The following SLC44A2 variants were observed in gnomAD, a reference collection of about 807,000 sequenced individuals.
The protein encoded by SLC44A2 is choline transporter-like protein 2.
A neutral mutation model predicts 90.8 loss-of-function variants in SLC44A2; 57 were observed. The observed-to-expected ratio is 0.63, with a 90% confidence interval of 0.51 to 0.78. The LOEUF is 0.78. Ranked by LOEUF, SLC44A2 falls within the 30% of genes least tolerant of loss-of-function variation. SLC44A2 has a pLI of 0.00. For missense variants in SLC44A2, 794 were observed against 919.7 expected (o/e 0.86, Z 1.77); for synonymous variants, 355 against 360.7 (o/e 0.98, Z 0.18).
intron 1 of SLC44A2, among the ~76,000 whole-genome samples, chr19:10,616,142 GA>G (rs556628556): frequency 0.12 from 11,854 of 98,714 alleles, 476 homozygotes; most frequent in Non-Finnish European, 0.14. Context: ...TGTCTCCAAA[GA>G]AAAAAAAAAA....
Position 10,643,705 on chromosome 19 carries a change from C to T in SLC44A2, c.*320C>T, listed in dbSNP as rs757627595. 1.1e-4 allele frequency: 27 copies of T among 249,684 alleles called. No individual in the cohort carries two copies. The highest frequency in any genetic ancestry group is 5.5e-4 in the African/African-American group (24 of 44,012). The allele number at this position is 249,684 out of a possible 1,614,324, so 15.5% of individuals were successfully genotyped here. A position where few individuals can be genotyped will look rare whatever the true frequency, so the allele number is the denominator to read the frequency against. ...TCATGCTTCCTGTCCCCCGCTTACA[C>T]GACAACGGGCCAGACCACAGGAAGG... On this transcript the variant is annotated 3_prime_UTR_variant, in exon 22 of 22. Coordinates refer to ENST00000335757, the MANE Select transcript of SLC44A2 (RefSeq NM_020428.4).
In SLC44A2 at chr19:10,642,418, G is replaced by A. The variant is rs577834746; in HGVS notation, c.1981G>A (p.Gly661Ser). The change falls in exon 21 of 22, where the codon GGC (glycine) becomes AGC (serine). Residue 661 changes from glycine (G) to serine (S), a missense_variant. Physicochemically the swap from Gly to Ser is moderately conservative, Grantham distance 56. Transcript: ENST00000335757. ...TGCACACGGTTTCTTCAGCGTCTAT[G>A]GCATGTGTGTGGACACGCTGTTCCT... ...LIAHGFFSVY[G>S]MCVDTLFLCF... is the part of the protein sequence containing the mutation. 2 of 1,614,140 alleles carry A rather than the reference G, an allele frequency of 1.2e-6. No individual in the cohort carries two copies. Among genetic ancestry groups the A allele is most frequent in the East Asian group, 2.2e-5 (1 of 44,878 alleles).
At position 10,638,093 on chromosome 19, in the gene SLC44A2, G is replaced by A. The variant is rs761629968; in HGVS notation, c.1840G>A (p.Gly614Arg). 1 of 1,613,394 alleles carries A rather than the reference G, an allele frequency of 6.2e-7. No individual in the cohort carries two copies. Among genetic ancestry groups the A allele is most frequent in the Non-Finnish European group, 8.5e-7 (1 of 1,179,892 alleles). The part of the protein sequence containing the change: ...LGKLLIVGSV[G>R]ILAFFFFTHR... Reference sequence around the variant, plus strand: ...CAAACTTCTGATCGTTGGTAGTGTGGGTGAGTGCCGCCCACCTAGCCTCTC... The same window carrying A: ...CAAACTTCTGATCGTTGGTAGTGTGAGTGAGTGCCGCCCACCTAGCCTCTC... The change falls in exon 19 of 22, where the codon GGG becomes AGG. Residue 614 changes from glycine (G) to arginine (R), a missense_variant and splice_region_variant. Transcript: ENST00000335757.
At chr19:10,625,510 G>C (rs949319413), upstream of SLC44A2, 1 of 1,223,894 alleles carries the variant, frequency 8.2e-7, no homozygotes, top group Non-Finnish European at 1.0e-6. Flanking sequence ...GGGCCGCCCC[G>C]CCTGGCGCTG....
At chr19:10,609,744 T>C (rs1439064804) in intron 1 of SLC44A2, among the ~76,000 whole-genome samples, 1 of 151,838 alleles carries the variant, frequency 6.6e-6, no homozygotes, top group East Asian at 1.9e-4. Context: ...AGATTACAGG[T>C]GTAAGCCACC....
At position 10,632,108 on chromosome 19, in the gene SLC44A2, A is replaced by G. The variant is rs1184009353; in HGVS notation, c.775A>G (p.Ile259Val). The change falls in exon 10 of 22, where the codon ATT becomes GTT. Residue 259 changes from isoleucine to valine, a missense_variant. By Grantham distance (29) the Ile-to-Val change is conservative. This residue lies in a region of SLC44A2 where 738 missense variants were observed against 841.1 expected (regional missense o/e 0.88). Transcript: ENST00000335757. ...FIILLRFLAG[I>V]MVWVMIIMVI... ...CATCCTGCTTCGCTTCCTGGCTGGTATTATGGTCTGGGTGATGATCATCAT... is the reference window on the plus strand; with the variant it reads ...CATCCTGCTTCGCTTCCTGGCTGGTGTTATGGTCTGGGTGATGATCATCAT... 3 of 1,613,888 alleles carry G rather than the reference A, an allele frequency of 1.9e-6. No individual in the cohort carries two copies. In the Admixed American group the frequency reaches 5.0e-5, roughly 27 times the overall value.
intron 1 of SLC44A2, among the ~76,000 whole-genome samples, chr19:10,620,174 T>C (rs2144828002): frequency 6.6e-6 from 1 of 151,076 alleles, no homozygotes; most frequent in East Asian, 2.0e-4. Flanking sequence ...AGGCTTTGTC[T>C]CAAAAACAAA....
chr19:10,621,426 T>TG (rs1243128208), upstream of SLC44A2, among the ~76,000 whole-genome samples: 3 of 141,158 alleles, frequency 2.1e-5, no homozygotes, highest in East Asian at 2.1e-4. Context: ...TTGGGTGTTT[T>TG]TTTTTTTTTT....
At chr19:10,603,376 C>T (rs1320973268) in intron 1 of SLC44A2, among the ~76,000 whole-genome samples, 3 of 152,150 alleles carry the variant, frequency 2.0e-5, no homozygotes, top group African/African-American at 4.8e-5. Flanking sequence ...GTCCCCAAGA[C>T]CCAACGGAGC....
Position 10,627,957 on chromosome 19 carries a change from C to G in SLC44A2, c.198C>G (p.Pro66=), listed in dbSNP as rs146675623. The G allele has an allele frequency of 6.2e-7, 1 of 1,613,926 alleles. No homozygotes were observed. The highest frequency in any genetic ancestry group is 8.5e-7 in the Non-Finnish European group (1 of 1,179,966). ...THGDPRKVIY[P]TDSRGEFCGQ... is the part of the protein sequence containing the mutation. ...GAGACCCTCGAAAGGTGATCTACCC[C>G]ACTGACAGCCGGGGCGAGTTCTGCG... The change falls in exon 4 of 22, where the codon CCC becomes CCG. Residue 66 remains proline (P), a synonymous_variant. Coordinates refer to ENST00000335757, the MANE Select transcript of SLC44A2 (RefSeq NM_020428.4).
rs115721173 is a variant in SLC44A2 at position 10,604,980 on chromosome 19, C to G, written c.31+2419C>G. ...GCATTGCCATCCTTCCCAGCCAGCC[C>G]ACCCTTGGCAAGAGCAGTGCAGAAA... On this transcript the variant is annotated intron_variant, in intron 1 of 21. Coordinates refer to the SLC44A2 transcript ENST00000407327. Among the ~76,000 whole-genome samples the G allele has an allele frequency of 3.5e-3, 533 of 152,240 alleles. 3 individuals are homozygous for G. The highest frequency in any genetic ancestry group is 0.012 in the African/African-American group (517 of 41,542).
chr19:10,607,030 G>A (rs536182081), intron 1 of SLC44A2, among the ~76,000 whole-genome samples: 2 of 149,328 alleles, frequency 1.3e-5, no homozygotes, highest in South Asian at 4.2e-4. Flanking sequence ...TCCTGCCTCA[G>A]CCTCCCGAGT....
intron 10 of SLC44A2, among the ~76,000 whole-genome samples, chr19:10,633,073 TGTTTA>T (rs371135188): frequency 3.5e-4 from 54 of 152,302 alleles, no homozygotes; most frequent in African/African-American, 1.2e-3. Context: ...GGTAGGGGCC[TGTTTA>T]GTTCAGGCCT....
rs1373705733 is a variant in SLC44A2 at position 10,638,109 on chromosome 19, C to G, written c.1840+16C>G. 5 of 1,613,748 alleles carry G rather than the reference C, an allele frequency of 3.1e-6. No homozygotes were observed. The highest frequency in any genetic ancestry group is 4.2e-6 in the Non-Finnish European group (5 of 1,179,842). ...GGTAGTGTGGGTGAGTGCCGCCCAC[C>G]TAGCCTCTCGGGGTGTGGGAGCCTG... On this transcript the variant is annotated intron_variant, in intron 19 of 21. Coordinates refer to ENST00000335757, the MANE Select transcript of SLC44A2 (RefSeq NM_020428.4).
chr19:10,642,853 C>T (rs776916550), intron 21 of SLC44A2: 30 of 1,535,772 alleles, frequency 2.0e-5, no homozygotes, highest in Admixed American at 1.4e-4. Flanking sequence ...CCTCCCTTCC[C>T]GACCACCCCA....
chr19:10,623,528 T>C (rs2066906769), upstream of SLC44A2, among the ~76,000 whole-genome samples: 1 of 152,000 alleles, frequency 6.6e-6, no homozygotes, highest in Non-Finnish European at 1.5e-5. Flanking sequence ...GGCTGCACTA[T>C]AAATATCTAT....
intron 2 of SLC44A2, among the ~76,000 whole-genome samples, chr19:10,626,738 C>T (rs2144843099): frequency 6.6e-6 from 1 of 151,630 alleles, no homozygotes; most frequent in African/African-American, 2.4e-5. Context: ...TAATTTTTAC[C>T]ATGTTTATAT....
intron 21 of SLC44A2, 78 bp downstream of exon 21, chr19:10,642,529 G>A (rs368299631): frequency 1.5e-6 from 2 of 1,363,326 alleles, no homozygotes; most frequent in South Asian, 1.2e-5. Flanking sequence ...CCCTCCAACG[G>A]GGCAACACGC....
At position 10,634,814 on chromosome 19, in the gene SLC44A2, CTCTTTGG is replaced by C. The variant is rs777333611; in HGVS notation, c.884_890del (p.Ser295TrpfsTer23). The C allele has an allele frequency of 6.2e-7, 1 of 1,614,162 alleles. No homozygotes were observed. Among genetic ancestry groups the C allele is most frequent in the Non-Finnish European group, 8.5e-7 (1 of 1,180,050 alleles). The stretch of plus-strand genomic sequence containing the variant: ...TGCGTGGTGAGGCCGGCTCTGATGT[CTCTTTGG>C]TGGACCTCGGCTTTCAGACGGATTT... On this transcript the variant is annotated frameshift_variant, in exon 11 of 22. Coordinates refer to ENST00000335757, the MANE Select transcript of SLC44A2 (RefSeq NM_020428.4). LOFTEE classifies it high-confidence loss of function.
Sources: allele counts gnomAD v4.1 joint callset (sites outside exome capture counted in the v4.1 genomes callset), GRCh38; gene constraint gnomAD v4.1.1; regional missense constraint gnomAD v4.1.1; transcripts MANE v1.5; gene names NCBI Gene and HGNC (gene_info 2026-07-23, HGNC 2026-07-21).